TRPM3: variants seen among roughly 807,000 people sequenced by gnomAD.
TRPM3 encodes the protein long transient receptor potential channel 3.
A neutral mutation model predicts 181.2 loss-of-function variants in TRPM3; 77 were observed. The ratio of observed to expected loss-of-function variants is 0.42; its 90% CI spans 0.35 to 0.51. The LOEUF (loss-of-function observed/expected upper bound fraction) is 0.51, where lower values mean the gene tolerates loss of function less well. Ranked by LOEUF, TRPM3 falls within the 20% of genes least tolerant of loss-of-function variation. The pLI is 0.01. For synonymous variants in TRPM3, 745 were observed against 796.4 expected (o/e 0.94, Z 1.09); for missense variants, 1,759 against 2,196.7 (o/e 0.80, Z 3.98).
intron 22 of TRPM3, among the ~76,000 whole-genome samples, chr9:70,560,975 T>C (rs1320531693): frequency 3.3e-5 from 5 of 152,148 alleles, no homozygotes; most frequent in Non-Finnish European, 7.4e-5. Context: ...GTCAGAGAAA[T>C]TTAAAATGGA....
intron 6 of TRPM3, among the ~76,000 whole-genome samples, chr9:70,792,093 C>T (rs184687516): frequency 9.7e-4 from 148 of 152,310 alleles, no homozygotes; most frequent in African/African-American, 3.4e-3. Flanking sequence ...CCTATCCCCT[C>T]TCCCCTGTCA....
chr9:71,164,562 T>C (rs910702564), intron 1 of TRPM3, among the ~76,000 whole-genome samples: 1 of 150,822 alleles, frequency 6.6e-6, no homozygotes, highest in East Asian at 2.0e-4. Context: ...AAGAGAAGAG[T>C]GTGAGGGAGA....
intron 1 of TRPM3, among the ~76,000 whole-genome samples, chr9:71,265,794 T>TC (rs1407482702): frequency 3.9e-5 from 6 of 152,190 alleles, no homozygotes; most frequent in Admixed American, 6.5e-5. Flanking sequence ...ATTAGCTGAG[T>TC]CATTAGACTA....
chr9:71,203,751 G>A (rs905897724), intron 1 of TRPM3, among the ~76,000 whole-genome samples: 7 of 152,136 alleles, frequency 4.6e-5, no homozygotes, highest in African/African-American at 1.4e-4. Flanking sequence ...GGAACAGTAT[G>A]GGGAGCTTTA....
At chr9:71,119,891 C>T (rs1290668354) in intron 1 of TRPM3, among the ~76,000 whole-genome samples, 1 of 152,202 alleles carries the variant, frequency 6.6e-6, no homozygotes, top group Non-Finnish European at 1.5e-5. Flanking sequence ...CCCAAACCTG[C>T]CTTTCCTCCT....
At chr9:71,031,990 T>TA (rs1565021817) in intron 1 of TRPM3, among the ~76,000 whole-genome samples, 14 of 1,540 alleles carry the variant, frequency 9.1e-3, no homozygotes, top group South Asian at 0.1. Flanking sequence ...ATATATATTA[T>TA]ATATATATAA....
At chr9:70,964,824 T>G (rs1423837435) in intron 1 of TRPM3, among the ~76,000 whole-genome samples, 2 of 152,148 alleles carry the variant, frequency 1.3e-5, no homozygotes, top group Non-Finnish European at 2.9e-5. Flanking sequence ...ATTTTCTAAA[T>G]CTGACCTTTT....
intron 1 of TRPM3, among the ~76,000 whole-genome samples, chr9:71,342,237 G>A (rs2132612836): frequency 8.7e-6 from 1 of 115,554 alleles, no homozygotes; most frequent in East Asian, 2.6e-4. Flanking sequence ...GAAGAAATTG[G>A]TGATATCTTT....
chr9:71,248,124 G>A (rs773742939), intron 1 of TRPM3, among the ~76,000 whole-genome samples: 12 of 152,334 alleles, frequency 7.9e-5, no homozygotes, highest in East Asian at 7.7e-4. Context: ...AATTGGAAAC[G>A]TAAGGCATCA....
At chr9:71,445,303 T>A (rs1589055379) in intron 1 of TRPM3, among the ~76,000 whole-genome samples, 1 of 152,208 alleles carries the variant, frequency 6.6e-6, no homozygotes, top group Non-Finnish European at 1.5e-5. Flanking sequence ...AAAACAGATG[T>A]CATGAATTTT....
At chr9:71,326,255 A>G (rs2089673137) in intron 1 of TRPM3, among the ~76,000 whole-genome samples, 2 of 152,250 alleles carry the variant, frequency 1.3e-5, no homozygotes, top group Non-Finnish European at 2.9e-5. Context: ...TTAATAATTT[A>G]GAAGAAATCA....
intron 1 of TRPM3, among the ~76,000 whole-genome samples, chr9:71,218,715 T>C (rs900746237): frequency 6.6e-6 from 1 of 152,232 alleles, no homozygotes; most frequent in African/African-American, 2.4e-5. Context: ...TTTCACATGG[T>C]GATTGCCTAA....
chr9:70,995,855 G>A (rs2097537018), intron 1 of TRPM3, among the ~76,000 whole-genome samples: 1 of 152,178 alleles, frequency 6.6e-6, no homozygotes, highest in Non-Finnish European at 1.5e-5. Flanking sequence ...CCGTCTTGGT[G>A]TCTCAACTTT....
At chr9:70,620,928 A>G (rs2063514914) in intron 15 of TRPM3, among the ~76,000 whole-genome samples, 1 of 151,110 alleles carries the variant, frequency 6.6e-6, no homozygotes, top group East Asian at 1.9e-4. Flanking sequence ...TATTTCAAAT[A>G]GGATTTTTTT....
chr9:71,081,390 A>G (rs1365837017), intron 1 of TRPM3, among the ~76,000 whole-genome samples: 1 of 152,192 alleles, frequency 6.6e-6, no homozygotes, highest in Admixed American at 6.5e-5. Context: ...TAGTGTGCTC[A>G]TCTTTAAAAA....
At chr9:71,009,651 C>T (rs1002448844) in intron 1 of TRPM3, among the ~76,000 whole-genome samples, 1 of 151,970 alleles carries the variant, frequency 6.6e-6, no homozygotes, top group African/African-American at 2.4e-5. Flanking sequence ...TAAAATGTTC[C>T]TATTACTCAC....
rs531663443 is a variant in TRPM3 at position 70,642,092 on chromosome 9, G to C, written c.1346-1432C>G. On this transcript the variant is annotated intron_variant, in intron 9 of 25. Transcript: ENST00000677713. ...TCATGCTGCTGGATATCTCACGATC[G>C]GGGAGGAGGATAAAGAGACAACCTT... 1.3e-3 allele frequency among the ~76,000 whole-genome samples: 192 copies of C among 152,240 alleles called. 2 individuals are homozygous for C. The Middle Eastern group carries it at 0.02, about 16-fold the overall frequency.
At chr9:70,624,631 T>G (rs1049501651) in intron 14 of TRPM3, among the ~76,000 whole-genome samples, 3 of 152,224 alleles carry the variant, frequency 2.0e-5, no homozygotes, top group African/African-American at 7.2e-5. Context: ...GCTGTGTTTG[T>G]CATATATTTT....
chr9:70,880,740 C>A (rs969116215), intron 1 of TRPM3, among the ~76,000 whole-genome samples: 4 of 152,106 alleles, frequency 2.6e-5, no homozygotes, highest in Admixed American at 2.0e-4. Context: ...TCATTGATAG[C>A]TTCCTCATGA....
Sources: gnomAD v4.1 joint callset for allele counts (sites outside exome capture counted in the v4.1 genomes callset) on GRCh38, gnomAD v4.1.1 for gene constraint, MANE v1.5 for transcripts, NCBI Gene and HGNC (gene_info 2026-07-23, HGNC 2026-07-21) for gene names.